Variants in SCMH1 observed in about 807,000 individuals in gnomAD.
SCMH1 encodes the protein Scm polycomb group protein homolog 1, also known as polycomb protein SCMH1.
In SCMH1, 37 loss-of-function variants were observed where a neutral mutation model predicts 70.8. The ratio of observed to expected loss-of-function variants is 0.52; its 90% CI spans 0.40 to 0.69. The LOEUF (loss-of-function observed/expected upper bound fraction) is 0.69. SCMH1 is among the 30% of genes least tolerant of loss of function. The probability of loss-of-function intolerance (pLI) is 0.00; values close to 1 mark genes in which losing one functional copy is unlikely to be tolerated. For synonymous variants in SCMH1, 292 were observed against 307.4 expected, an observed-to-expected ratio of 0.95 and a Z score of 0.52; for missense variants, 607 against 827.3, an observed-to-expected ratio of 0.73 and a Z score of 3.27.
chr1:41,103,982 G>C (rs184977136), intron 8 of SCMH1, among the ~76,000 whole-genome samples: 1 of 152,234 alleles, frequency 6.6e-6, no homozygotes, highest in African/African-American at 2.4e-5. Context: ...TCAGTTATGA[G>C]AGTACTGGTT....
At chr1:41,230,268 T>C (rs1661054444) in intron 1 of SCMH1, among the ~76,000 whole-genome samples, 1 of 152,060 alleles carries the variant, frequency 6.6e-6, no homozygotes. Flanking sequence ...TGGCTTAGAC[T>C]AGAATGAAGG....
At chr1:41,234,758 G>GCCA (rs999726511) in intron 1 of SCMH1, among the ~76,000 whole-genome samples, 8 of 151,892 alleles carry the variant, frequency 5.3e-5, no homozygotes, top group Non-Finnish European at 1.2e-4. Context: ...ACAGGCATGA[G>GCCA]CCACCGCGCC....
Position 41,085,938 on chromosome 1 carries a change from T to G in SCMH1, c.746-10487A>C, listed in dbSNP as rs1231277758. Among the ~76,000 whole-genome samples the G allele has an allele frequency of 2.0e-5, 3 of 150,610 alleles. No homozygotes were observed. The Admixed American group carries it at 2.0e-4, about 10-fold the overall frequency. On this transcript the variant is annotated intron_variant, in intron 8 of 14. Coordinates refer to ENST00000337495, the Ensembl canonical transcript of SCMH1. ...TCACTGCAACCTCTGCCTCCTGGGT[T>G]CAAGCGATTCTCCTGCCTCAGCCTC...
At chr1:41,106,467 G>A (rs1342671189) in intron 8 of SCMH1, among the ~76,000 whole-genome samples, 1 of 151,734 alleles carries the variant, frequency 6.6e-6, no homozygotes, top group Admixed American at 6.6e-5. Flanking sequence ...TATACAGCCT[G>A]CAGAACTCTA....
intron 2 of SCMH1, among the ~76,000 whole-genome samples, chr1:41,176,967 C>A (rs1647194993): frequency 2.0e-5 from 3 of 152,178 alleles, no homozygotes; most frequent in Non-Finnish European, 4.4e-5. Flanking sequence ...GGGTCCCTGA[C>A]CCCCAAGTAG....
chr1:41,088,880 A>G (rs566582160), intron 8 of SCMH1, among the ~76,000 whole-genome samples: 3 of 152,338 alleles, frequency 2.0e-5, no homozygotes, highest in Admixed American at 2.0e-4. Context: ...AAAAGGGGAG[A>G]TGTAAAATAT....
chr1:41,155,205 C>T (rs1645410566), intron 4 of SCMH1, among the ~76,000 whole-genome samples: 1 of 152,066 alleles, frequency 6.6e-6, no homozygotes, highest in Non-Finnish European at 1.5e-5. Context: ...AAAAAGGTAC[C>T]TGCCCTGAAG....
chr1:41,152,580 G>A (rs1645162259), intron 4 of SCMH1: 1 of 1,613,358 alleles, frequency 6.2e-7, no homozygotes, highest in East Asian at 2.2e-5. Flanking sequence ...CCAATTACCA[G>A]TCTCCCCCTA....
chr1:41,195,026 C>G (rs954473681), intron 1 of SCMH1, among the ~76,000 whole-genome samples: 4 of 146,394 alleles, frequency 2.7e-5, no homozygotes, highest in Non-Finnish European at 6.0e-5. Flanking sequence ...ACCTACCGGG[C>G]AGGCTGAGGC....
intron 1 of SCMH1, among the ~76,000 whole-genome samples, chr1:41,191,111 G>A (rs1302227372): frequency 5.9e-5 from 9 of 152,198 alleles, no homozygotes; most frequent in Non-Finnish European, 1.0e-4. Context: ...CTGGCCTCAA[G>A]CAATCCTCCT....
At chr1:41,204,156 A>G (rs768108191) in intron 1 of SCMH1, among the ~76,000 whole-genome samples, 1 of 152,172 alleles carries the variant, frequency 6.6e-6, no homozygotes, top group Non-Finnish European at 1.5e-5. Context: ...CAGTTGGTAC[A>G]TGGTGGAGCT....
rs572880025 is a variant in SCMH1, at chr1:41,063,890, T to C, written c.1105+6705A>G. Among the ~76,000 whole-genome samples, 4 of 152,366 alleles carry C rather than the reference T, an allele frequency of 2.6e-5. No individual in the cohort carries two copies. The South Asian group carries it at 8.3e-4, about 32-fold the overall frequency. On this transcript the variant is annotated intron_variant, in intron 10 of 14. Transcript: ENST00000337495. ...GGTTCATTCGTGAATTCTACCAACA[T>C]TTAAGGAAGAAATTATACCAATTCT... is the stretch of plus-strand genomic sequence containing the variant.
At chr1:41,130,856 C>T (rs1352498934) in intron 6 of SCMH1, among the ~76,000 whole-genome samples, 3 of 152,186 alleles carry the variant, frequency 2.0e-5, no homozygotes, top group Non-Finnish European at 4.4e-5. Flanking sequence ...ATGGATTTGG[C>T]TATTTTTTCC....
intron 11 of SCMH1, 51 bp from the exon 12 acceptor site, chr1:41,046,649 A>C: frequency 6.9e-7 from 1 of 1,443,218 alleles, no homozygotes; most frequent in Non-Finnish European, 9.7e-7. Context: ...AGTGGAGTAC[A>C]GCGCTAGGCA....
chr1:41,242,147 G>A (rs1318716752), upstream of SCMH1: 2 of 149,316 alleles, frequency 1.3e-5, no homozygotes, highest in African/African-American at 4.9e-5. The surrounding 1 kb of genome is among the most constrained non-coding windows in gnomAD (Gnocchi z 5.2). Context: ...ACGCGGGAAG[G>A]GGGCGGGCGG....
At chr1:41,149,912 G>T (rs74400627) in intron 5 of SCMH1, among the ~76,000 whole-genome samples, 117 of 152,220 alleles carry the variant, frequency 7.7e-4, no homozygotes, top group Non-Finnish European at 1.3e-3. Context: ...TTTATAAAAT[G>T]GTAGTCTTTT....
At chr1:41,219,926 G>A (rs111578964) in intron 1 of SCMH1, among the ~76,000 whole-genome samples, 35 of 145,368 alleles carry the variant, frequency 2.4e-4, no homozygotes, top group South Asian at 1.1e-3. Flanking sequence ...GCAAGACTCC[G>A]TCTCACAAAA....
intron 6 of SCMH1, among the ~76,000 whole-genome samples, chr1:41,126,410 ATACT>A (rs1673192712): frequency 6.6e-6 from 1 of 152,178 alleles, no homozygotes; most frequent in African/African-American, 2.4e-5. Flanking sequence ...ATTAAGTAAA[ATACT>A]TAGTTCAAAA....
chr1:41,126,967 T>G (rs1240351299), intron 6 of SCMH1, among the ~76,000 whole-genome samples: 1 of 152,154 alleles, frequency 6.6e-6, no homozygotes, highest in African/African-American at 2.4e-5. Flanking sequence ...TGGTGTGAAA[T>G]GTACCATTCT....
Sources: allele counts gnomAD v4.1 joint callset (sites outside exome capture counted in the v4.1 genomes callset), GRCh38; gene constraint gnomAD v4.1.1; non-coding constraint Gnocchi (gnomAD v3.1); transcripts MANE v1.5; gene names NCBI Gene and HGNC (gene_info 2026-07-23, HGNC 2026-07-21).